The following TRPA1 variants were observed in gnomAD, a reference collection of about 807,000 sequenced individuals.
TRPA1 encodes the protein ankyrin-like with transmembrane domains 1.
TRPA1 carries 129 observed loss-of-function variants against 131.3 expected under a neutral mutation model. That is an observed-to-expected ratio of 0.98 (90% confidence interval 0.85 to 1.14). The LOEUF (loss-of-function observed/expected upper bound fraction) is 1.14, where lower values mean the gene tolerates loss of function less well. TRPA1 is among the 50% of genes most tolerant of loss of function. TRPA1 has a pLI of 0.00. For synonymous variants in TRPA1, 441 were observed against 451.7 expected (o/e 0.98, Z 0.30); for missense variants, 1,304 against 1,354.2 (o/e 0.96, Z 0.58).
At position 72,075,413 on chromosome 8, in the gene TRPA1, C is replaced by A. The variant is rs1287500986; in HGVS notation, c.-4G>T. The A allele has an allele frequency of 6.2e-7, 1 of 1,604,032 alleles. No individual in the cohort carries two copies. The highest frequency in any genetic ancestry group is 1.3e-5 in the African/African-American group (1 of 74,938). On this transcript the variant is annotated 5_prime_UTR_variant, in exon 1 of 27. Transcript: ENST00000262209. ...TCTTCCTCAGGCTGCGCTTCATTGA[C>A]CCCACCCCGGACGCCACCTGGTGCA...
intron 15 of TRPA1, among the ~76,000 whole-genome samples, chr8:72,049,365 T>G (rs1173876330): frequency 6.6e-6 from 1 of 152,176 alleles, no homozygotes. Flanking sequence ...GTGAAATGAC[T>G]TGCCTAAAAC....
Position 72,074,088 on chromosome 8 carries a change from G to T in TRPA1, c.111+1211C>A, listed in dbSNP as rs1585894931. ...AAAGCTGTACATACCTCTTGACCCT[G>T]CTAGGACTTTGACATACAGACATAT... On this transcript the variant is annotated intron_variant, in intron 1 of 26. Transcript: ENST00000262209. 1.3e-5 allele frequency among the ~76,000 whole-genome samples: 2 copies of T among 152,312 alleles called. 1 individual carries two copies. Among genetic ancestry groups the T allele is most frequent in the Admixed American group, 1.3e-4 (2 of 15,294 alleles).
At chr8:72,084,231 T>G in the TRPA1 span, among the ~76,000 whole-genome samples, 1 of 152,172 alleles carries the variant, frequency 6.6e-6, no homozygotes, top group African/African-American at 2.4e-5. Context: ...GTATTGTTAT[T>G]GTCTATTTAG....
chr8:72,053,010 AGAG>A, intron 13 of TRPA1: 1 of 79,086 alleles, frequency 1.3e-5, no homozygotes, highest in Non-Finnish European at 2.1e-5. Context: ...ATAGAGAAAG[AGAG>A]AGAGAGAGAG....
chr8:72,075,579 T>C lies in TRPA1; in HGVS notation c.-170A>G, dbSNP rs943168030. 4.7e-6 allele frequency: 3 copies of C among 637,548 alleles called. No homozygotes were observed. Among genetic ancestry groups the C allele is most frequent in the East Asian group, 2.7e-5 (1 of 36,424 alleles). The allele number at this position is 637,548 out of a possible 1,614,324, so 39.5% of individuals were successfully genotyped here. The stretch of plus-strand genomic sequence containing the variant: ...TCGCTCTGCGGAAGCCCTGGAGAAC[T>C]TCTGGAAGGAGTTCTCAGGCCCGCG... On this transcript the variant is annotated 5_prime_UTR_variant, in exon 1 of 27. Coordinates refer to ENST00000262209, the MANE Select transcript of TRPA1 (RefSeq NM_007332.3).
chr8:72,024,429 A>C (rs571351972), intron 25 of TRPA1, among the ~76,000 whole-genome samples: 1 of 152,222 alleles, frequency 6.6e-6, no homozygotes, highest in East Asian at 1.9e-4. Context: ...GAATGAGGTA[A>C]TTCTAGGAGT....
intron 16 of TRPA1, 43 bp from the exon 17 acceptor site, chr8:72,046,651 C>A: frequency 9.6e-7 from 1 of 1,038,428 alleles, no homozygotes; most frequent in South Asian, 1.4e-5. Flanking sequence ...TACAGTTAGT[C>A]AAGTATAGAA....
intron 12 of TRPA1, 113 bp from the exon 13 acceptor site, chr8:72,053,980 G>A (rs1024608885): frequency 1.4e-6 from 1 of 726,088 alleles, no homozygotes; most frequent in Non-Finnish European, 2.4e-6. Context: ...GCATTATTGA[G>A]ATCTGGCAAC....
intron 2 of TRPA1, among the ~76,000 whole-genome samples, chr8:72,070,315 A>C (rs994059647): frequency 6.6e-6 from 1 of 151,976 alleles, no homozygotes; most frequent in African/African-American, 2.4e-5. Flanking sequence ...TAAGTGTTTC[A>C]TTCTAAACAA....
chr8:72,051,413 A>C (rs1336154540), intron 14 of TRPA1, among the ~76,000 whole-genome samples: 1 of 152,206 alleles, frequency 6.6e-6, no homozygotes, highest in African/African-American at 2.4e-5. Context: ...GAACAGGGTA[A>C]GACGGTGCTT....
At chr8:72,082,275 G>A in the TRPA1 span, among the ~76,000 whole-genome samples, 1 of 151,782 alleles carries the variant, frequency 6.6e-6, no homozygotes. Context: ...ATTTTATGTT[G>A]TTATTGTCAT....
rs764672399 is a variant in TRPA1, at chr8:72,023,074, G to A, written c.3192C>T (p.Leu1064=). ...LTFLLEKQHE[L]IKLIIQKMEI... Reference sequence around the variant, plus strand: ...CCATCTTCTGAATGATCAGTTTAATGAGCTCATGCTGTTTTTCCAGGAGAA... The same window carrying A: ...CCATCTTCTGAATGATCAGTTTAATAAGCTCATGCTGTTTTTCCAGGAGAA... The change falls in exon 27 of 27, where the codon CTC becomes CTT. Residue 1064 remains leucine (L), a synonymous_variant. Coordinates refer to ENST00000262209, the MANE Select transcript of TRPA1 (RefSeq NM_007332.3). The A allele has an allele frequency of 8.1e-6, 13 of 1,613,488 alleles. No homozygotes were observed. Among genetic ancestry groups the A allele is most frequent in the Middle Eastern group, 1.6e-4 (1 of 6,080 alleles).
Position 72,057,019 on chromosome 8 carries a change from T to A in TRPA1, c.1094-2A>T. The A allele has an allele frequency of 1.9e-6, 3 of 1,564,214 alleles. No individual in the cohort carries two copies. Among genetic ancestry groups the A allele is most frequent in the African/African-American group, 1.4e-5 (1 of 72,866 alleles). Reference sequence around the variant, plus strand: ...TATCTTTTATGTCTACTTGGGCACCTAAAAAAAAACACTATGTAAATATAA... The same window carrying A: ...TATCTTTTATGTCTACTTGGGCACCAAAAAAAAAACACTATGTAAATATAA... On this transcript the variant is annotated splice_acceptor_variant, in intron 9 of 26. Coordinates refer to ENST00000262209, the MANE Select transcript of TRPA1 (RefSeq NM_007332.3). LOFTEE classifies it high-confidence loss of function.
rs1446307835 is a variant in TRPA1 at position 72,053,920 on chromosome 8, G to T, written c.1530-53C>A. The T allele has an allele frequency of 4.4e-6, 6 of 1,355,214 alleles. No homozygotes were observed. The East Asian group carries it at 7.1e-5, about 16-fold the overall frequency. The allele number at this position is 1,355,214 out of a possible 1,614,324, so 83.9% of individuals were successfully genotyped here. On this transcript the variant is annotated intron_variant, in intron 12 of 26. Transcript: ENST00000262209. The stretch of plus-strand genomic sequence containing the variant: ...GCATACACTTAACAGATGAAATGCG[G>T]GATGGGATGCCACTTGGCTTATTCT...
intron 15 of TRPA1, among the ~76,000 whole-genome samples, chr8:72,048,208 C>A (rs568637066): frequency 6.6e-6 from 1 of 152,178 alleles, no homozygotes; most frequent in South Asian, 2.1e-4. Context: ...TGAGACACCT[C>A]AAATCTAGTG....
upstream of TRPA1, among the ~76,000 whole-genome samples, chr8:72,079,140 C>G (rs577630466): frequency 1.3e-5 from 2 of 151,812 alleles, no homozygotes; most frequent in Non-Finnish European, 2.9e-5. Flanking sequence ...CTAAATATAA[C>G]TCTTTAAACA....
At chr8:72,051,800 T>C (rs928029915) in intron 14 of TRPA1, among the ~76,000 whole-genome samples, 1 of 152,210 alleles carries the variant, frequency 6.6e-6, no homozygotes, top group African/African-American at 2.4e-5. Context: ...CTAAAATTCC[T>C]TGGAGTATGG....
At chr8:72,030,857 C>G (rs1000025831) in intron 23 of TRPA1, among the ~76,000 whole-genome samples, 2 of 152,170 alleles carry the variant, frequency 1.3e-5, no homozygotes, top group Non-Finnish European at 2.9e-5. Flanking sequence ...ATAGAATTAG[C>G]TGGGGGGAAG....
At chr8:72,058,725 T>C (rs186184095) in intron 8 of TRPA1, among the ~76,000 whole-genome samples, 35 of 152,342 alleles carry the variant, frequency 2.3e-4, no homozygotes, top group Middle Eastern at 3.4e-3. Flanking sequence ...CACTCTTCTC[T>C]GTAATTATCA....
Sources: gnomAD v4.1 joint callset for allele counts (sites outside exome capture counted in the v4.1 genomes callset) on GRCh38, gnomAD v4.1.1 for gene constraint, MANE v1.5 for transcripts, NCBI Gene and HGNC (gene_info 2026-07-23, HGNC 2026-07-21) for gene names.